The following DGKB variants were observed in gnomAD, a reference collection of about 807,000 sequenced individuals.
DGKB encodes the protein diacylglycerol kinase beta, also known as 90 kDa diacylglycerol kinase.
DGKB carries 67 observed loss-of-function variants against 114.3 expected under a neutral mutation model. The observed-to-expected ratio is 0.59, with a 90% CI of 0.48 to 0.72. DGKB has a LOEUF of 0.72. Ranked by LOEUF, DGKB falls within the 30% of genes least tolerant of loss-of-function variation. The pLI is 0.00. For missense variants in DGKB, 907 were observed against 975.2 expected, an observed-to-expected ratio of 0.93 and a Z score of 0.93; for synonymous variants, 398 against 323.1, an observed-to-expected ratio of 1.23 and a Z score of -2.49.
intron 4 of DGKB, among the ~76,000 whole-genome samples, chr7:14,740,916 C>T (rs958190414): frequency 4.6e-5 from 7 of 152,140 alleles, no homozygotes; most frequent in African/African-American, 1.4e-4. Context: ...CTTTTTCCTT[C>T]TCTCTCTCAT....
intron 1 of DGKB, among the ~76,000 whole-genome samples, chr7:14,921,522 G>A (rs571763956): frequency 2.6e-5 from 4 of 152,176 alleles, no homozygotes; most frequent in Admixed American, 6.5e-5. Flanking sequence ...CTCCACCAAG[G>A]GTTATTTTGC....
chr7:14,731,323 G>C (rs576668705), intron 5 of DGKB, among the ~76,000 whole-genome samples: 2 of 152,282 alleles, frequency 1.3e-5, no homozygotes, highest in Non-Finnish European at 2.9e-5. Flanking sequence ...AATATTATTT[G>C]TGAGCTGTGT....
chr7:14,972,918 G>A (rs556079392), intron 1 of DGKB, among the ~76,000 whole-genome samples: 1 of 152,168 alleles, frequency 6.6e-6, no homozygotes, highest in South Asian at 2.1e-4. Context: ...ATAGGTGGGA[G>A]CTTGCAGAAA....
Position 14,390,647 on chromosome 7 carries a change from G to T in DGKB, c.1836-45256C>A, listed in dbSNP as rs1380546378. On this transcript the variant is annotated intron_variant, in intron 21 of 25. Coordinates refer to ENST00000402815, the MANE Select transcript of DGKB (RefSeq NM_001350709.2). ...GATTACTTGAAACTTTCAAATGTAG[G>T]TATTTATGGTATCCAAGACATTTCT... is the stretch of plus-strand genomic sequence containing the variant. Among the ~76,000 whole-genome samples, 4 of 152,028 alleles carry T rather than the reference G, an allele frequency of 2.6e-5. No individual in the cohort carries two copies. The East Asian group carries it at 7.7e-4, about 29-fold the overall frequency.
chr7:14,217,904 G>A (rs1789266226), intron 23 of DGKB, among the ~76,000 whole-genome samples: 1 of 152,032 alleles, frequency 6.6e-6, no homozygotes, highest in African/African-American at 2.4e-5. Context: ...TATTGCGTCT[G>A]AATCCATGGT....
At chr7:14,271,720 C>T (rs904204626) in intron 23 of DGKB, among the ~76,000 whole-genome samples, 8 of 152,200 alleles carry the variant, frequency 5.3e-5, no homozygotes, top group Admixed American at 5.2e-4. Flanking sequence ...CTTAAATGCC[C>T]CAAACACAAA....
intron 23 of DGKB, among the ~76,000 whole-genome samples, chr7:14,256,352 A>C (rs1795965951): frequency 6.6e-6 from 1 of 151,896 alleles, no homozygotes; most frequent in Admixed American, 6.6e-5. Context: ...TCAGCTCATT[A>C]ATTTTTAATC....
At chr7:14,564,162 T>G (rs958644073) in intron 20 of DGKB, among the ~76,000 whole-genome samples, 2 of 152,198 alleles carry the variant, frequency 1.3e-5, no homozygotes, top group African/African-American at 4.8e-5. Context: ...ATCAATGGTA[T>G]CCATTAGTTA....
intron 21 of DGKB, among the ~76,000 whole-genome samples, chr7:14,388,001 T>A (rs1820703683): frequency 6.6e-6 from 1 of 151,306 alleles, no homozygotes; most frequent in African/African-American, 2.4e-5. Flanking sequence ...TGCCTCAGCC[T>A]CCCAAGTAGC....
chr7:14,635,869 G>A (rs1259501722), intron 13 of DGKB, among the ~76,000 whole-genome samples: 1 of 151,440 alleles, frequency 6.6e-6, no homozygotes, highest in Admixed American at 6.6e-5. Context: ...ATAAAAACGA[G>A]AGCCAGTTCT....
intron 15 of DGKB, among the ~76,000 whole-genome samples, chr7:14,618,886 T>C (rs1318587646): frequency 6.6e-6 from 1 of 151,500 alleles, no homozygotes; most frequent in East Asian, 1.9e-4. Flanking sequence ...TAATGATACA[T>C]ACTTTTTAAA....
At position 14,569,949 on chromosome 7, in the gene DGKB, T is replaced by A. The variant is rs188907149; in HGVS notation, c.1770+4263A>T. On this transcript the variant is annotated intron_variant, in intron 20 of 25. Transcript: ENST00000402815. ...AATTCTTAGATACTTTCAATTTTTT[T>A]GTTATTGTTTCTGGAAAGTCATTGA... 8.4e-3 allele frequency among the ~76,000 whole-genome samples: 1,276 copies of A among 151,680 alleles called. 23 individuals carry two copies. Among genetic ancestry groups the A allele is most frequent in the African/African-American group, 0.029 (1,223 of 41,486 alleles).
intron 25 of DGKB, among the ~76,000 whole-genome samples, chr7:14,169,364 CAAAAAA>C (rs35418998): frequency 6.1e-4 from 40 of 65,292 alleles, no homozygotes; most frequent in Non-Finnish European, 1.1e-3. Context: ...GACTCCGTCT[CAAAAAA>C]AAAAAAAAAA....
At position 14,785,073 on chromosome 7, in the gene DGKB, G is replaced by A. The variant is rs1839685273; in HGVS notation, c.71-27342C>T. Among the ~76,000 whole-genome samples the A allele has an allele frequency of 2.0e-5, 3 of 152,042 alleles. No homozygotes were observed. In the South Asian group the frequency reaches 6.2e-4, roughly 32 times the overall value. On this transcript the variant is annotated intron_variant, in intron 2 of 25. Coordinates refer to ENST00000402815, the MANE Select transcript of DGKB (RefSeq NM_001350709.2). ...TCACAACGTGCTTTCTATAAAGAAA[G>A]GGCAATAAAGAGTCAACTAAATATC...
chr7:14,445,643 T>A (rs907235889), intron 21 of DGKB, among the ~76,000 whole-genome samples: 3 of 152,028 alleles, frequency 2.0e-5, no homozygotes, highest in Non-Finnish European at 4.4e-5. Flanking sequence ...ACAGTGATTA[T>A]AAGATAAATT....
intron 23 of DGKB, among the ~76,000 whole-genome samples, chr7:14,323,807 T>C (rs143573517): frequency 2.0e-3 from 299 of 152,328 alleles, no homozygotes; most frequent in Non-Finnish European, 3.5e-3. Context: ...AAGATTCACA[T>C]TTCTGGTCTT....
chr7:14,642,391 T>G (rs1015595492), intron 13 of DGKB, among the ~76,000 whole-genome samples: 10 of 152,144 alleles, frequency 6.6e-5, no homozygotes, highest in African/African-American at 2.4e-4. Flanking sequence ...GTATTTTATT[T>G]GGCAACAGGT....
In DGKB at chr7:14,723,549, ATG is replaced by A. The variant is rs200671740; in HGVS notation, c.323-4866_323-4865del. Reference sequence around the variant, plus strand: ...ATATTTCATCACAAAAGTGAAGCAAATGTGTGTGTGTGTATATATATGTGTGT... The same window carrying A: ...ATATTTCATCACAAAAGTGAAGCAAATGTGTGTGTGTATATATATGTGTGT... On this transcript the variant is annotated intron_variant, in intron 5 of 25. Coordinates refer to ENST00000402815, the MANE Select transcript of DGKB (RefSeq NM_001350709.2). Among the ~76,000 whole-genome samples the A allele has an allele frequency of 6.7e-3, 1,013 of 151,714 alleles. 16 individuals are homozygous for A. The highest frequency in any genetic ancestry group is 0.023 in the African/African-American group (933 of 41,274).
At chr7:14,280,945 G>GC (rs771159341) in intron 23 of DGKB, among the ~76,000 whole-genome samples, 106 of 151,464 alleles carry the variant, frequency 7.0e-4, no homozygotes, top group Non-Finnish European at 1.3e-3. Context: ...GGAAGAAACT[G>GC]CATCAACTAA....
Sources: allele counts gnomAD v4.1 joint callset (sites outside exome capture counted in the v4.1 genomes callset), GRCh38; gene constraint gnomAD v4.1.1; transcripts MANE v1.5; gene names NCBI Gene and HGNC (gene_info 2026-07-23, HGNC 2026-07-21).